The following TYW1 variants were observed in gnomAD, a reference collection of about 807,000 sequenced individuals.
The protein encoded by TYW1 is tRNA-yW synthesizing protein 1 homolog.
TYW1 carries 46 observed loss-of-function variants against 96.2 expected under a neutral mutation model. That is an observed-to-expected ratio of 0.48 (90% confidence interval 0.38 to 0.61). The LOEUF (loss-of-function observed/expected upper bound fraction) is 0.61, where lower values mean the gene tolerates loss of function less well. Ranked by LOEUF, TYW1 falls within the 20% of genes least tolerant of loss-of-function variation. The pLI, the probability that TYW1 is intolerant of heterozygous loss-of-function variation, is 0.00. For missense variants in TYW1, 684 were observed against 909.6 expected, an observed-to-expected ratio of 0.75 and a Z score of 3.19; for synonymous variants, 274 against 323.0, an observed-to-expected ratio of 0.85 and a Z score of 1.63.
At chr7:67,118,754 C>T (rs1482106070) in intron 13 of TYW1, among the ~76,000 whole-genome samples, 1 of 151,614 alleles carries the variant, frequency 6.6e-6, no homozygotes, top group Non-Finnish European at 1.5e-5. Context: ...ACAAAAATTA[C>T]CTGTGGTCCC....
At chr7:67,033,358 T>G (rs1212065224) in intron 7 of TYW1, among the ~76,000 whole-genome samples, 1 of 152,158 alleles carries the variant, frequency 6.6e-6, no homozygotes, top group Non-Finnish European at 1.5e-5. Flanking sequence ...CCTGAGTTCT[T>G]TATTTGGAGG....
At chr7:67,116,358 A>AAAAG (rs1797594082) in intron 12 of TYW1, among the ~76,000 whole-genome samples, 3 of 150,108 alleles carry the variant, frequency 2.0e-5, no homozygotes, top group Non-Finnish European at 4.5e-5. Flanking sequence ...GAAAAGAAAA[A>AAAAG]AAGTATAGTC....
At chr7:67,083,356 A>G (rs2115772944) in intron 10 of TYW1, 74 bp from the exon 11 acceptor site, 1 of 1,451,154 alleles carries the variant, frequency 6.9e-7, no homozygotes, top group East Asian at 2.3e-5. Context: ...TTAAAAATGG[A>G]TGACTTCATC....
At chr7:67,021,488 C>T (rs934216133) in intron 6 of TYW1, among the ~76,000 whole-genome samples, 12 of 152,290 alleles carry the variant, frequency 7.9e-5, no homozygotes, top group African/African-American at 2.9e-4. Context: ...TTTACTTACC[C>T]TTCACATTTG....
chr7:67,134,022 G>A lies in TYW1; in HGVS notation c.1698+16404G>A, dbSNP rs1216826595. 2.0e-5 allele frequency among the ~76,000 whole-genome samples: 3 copies of A among 151,812 alleles called. No homozygotes were observed. The East Asian group carries it at 5.8e-4, about 29-fold the overall frequency. On this transcript the variant is annotated intron_variant, in intron 13 of 15. Coordinates refer to ENST00000359626, the MANE Select transcript of TYW1 (RefSeq NM_018264.4). ...TCTCTGCTTGTTTTTTTCCATAGCA[G>A]CATCAACTCCAGACTTGCATGTTAT... is the stretch of plus-strand genomic sequence containing the variant.
chr7:67,127,331 T>G (rs1797940415), intron 13 of TYW1, among the ~76,000 whole-genome samples: 1 of 151,918 alleles, frequency 6.6e-6, no homozygotes, highest in Non-Finnish European at 1.5e-5. Flanking sequence ...GCTAATTTTT[T>G]TAATCTTTAG....
chr7:67,082,079 T>A (rs1353807171), intron 10 of TYW1, among the ~76,000 whole-genome samples: 1 of 151,928 alleles, frequency 6.6e-6, no homozygotes, highest in Non-Finnish European at 1.5e-5. Context: ...CTGAGTTTCC[T>A]TAAGACCATT....
chr7:67,060,276 A>C (rs907619075), intron 9 of TYW1, among the ~76,000 whole-genome samples: 4 of 152,108 alleles, frequency 2.6e-5, no homozygotes, highest in African/African-American at 9.7e-5. Context: ...GGGTTTTGCC[A>C]CGTTGGCCAG....
chr7:67,163,657 T>C (rs1799233305), intron 13 of TYW1, among the ~76,000 whole-genome samples: 1 of 150,560 alleles, frequency 6.6e-6, no homozygotes. Context: ...TTCTGATCTT[T>C]AAGCAGGAGA....
At chr7:67,017,554 A>G (rs1368776684) in intron 5 of TYW1, among the ~76,000 whole-genome samples, 1 of 152,118 alleles carries the variant, frequency 6.6e-6, no homozygotes, top group African/African-American at 2.4e-5. Flanking sequence ...CATGATATAG[A>G]ATGGTAGGTT....
At chr7:67,002,381 C>T (rs1045666194) in intron 3 of TYW1, among the ~76,000 whole-genome samples, 1 of 151,320 alleles carries the variant, frequency 6.6e-6, no homozygotes, top group Non-Finnish European at 1.5e-5. Context: ...TGTGCCCAGC[C>T]CATCTCAATA....
At chr7:67,196,643 A>G (rs1192105935) in intron 15 of TYW1, among the ~76,000 whole-genome samples, 1 of 137,578 alleles carries the variant, frequency 7.3e-6, no homozygotes, top group African/African-American at 3.0e-5. Context: ...AACTGGAATC[A>G]CAGCCTTCTC....
chr7:67,018,267 A>C (rs1039050952), intron 6 of TYW1, 124 bp downstream of exon 6: 1 of 1,285,252 alleles, frequency 7.8e-7, no homozygotes, highest in African/African-American at 1.5e-5. Context: ...GGCTGAGTGC[A>C]GTGGCTCGCA....
intron 13 of TYW1, among the ~76,000 whole-genome samples, chr7:67,124,585 C>T (rs1034251923): frequency 2.0e-5 from 3 of 152,022 alleles, no homozygotes; most frequent in Admixed American, 6.6e-5. Flanking sequence ...CTTTGATCAT[C>T]GTAGATTAAT....
intron 12 of TYW1, among the ~76,000 whole-genome samples, chr7:67,116,620 T>G (rs1797602838): frequency 6.6e-6 from 1 of 151,852 alleles, no homozygotes; most frequent in African/African-American, 2.4e-5. Context: ...GCCTGGGAGG[T>G]TGAGACTGCA....
At chr7:66,999,993 T>G (rs1036295781) in intron 3 of TYW1, among the ~76,000 whole-genome samples, 18 of 152,048 alleles carry the variant, frequency 1.2e-4, no homozygotes, top group Non-Finnish European at 2.2e-4. Flanking sequence ...TGGAGTGCAG[T>G]TGTGCCATCT....
chr7:67,174,276 T>C (rs1799597101), intron 13 of TYW1, among the ~76,000 whole-genome samples: 1 of 152,104 alleles, frequency 6.6e-6, no homozygotes, highest in African/African-American at 2.4e-5. Context: ...CAGGAAAACA[T>C]AAACCCAAAC....
At position 67,035,930 on chromosome 7, in the gene TYW1, G is replaced by A. The variant is rs185717127; in HGVS notation, c.984+10908G>A. On this transcript the variant is annotated intron_variant, in intron 7 of 15. Transcript: ENST00000359626. Reference sequence around the variant, plus strand: ...CTGATCTTATGATCCGCCCACCTTGGCCTCCCAAAGTGCTGGGATTACAGG... The same window carrying A: ...CTGATCTTATGATCCGCCCACCTTGACCTCCCAAAGTGCTGGGATTACAGG... 3.3e-5 allele frequency among the ~76,000 whole-genome samples: 5 copies of A among 151,168 alleles called. No individual in the cohort carries two copies. In the East Asian group the frequency reaches 9.7e-4, roughly 29 times the overall value.
At chr7:67,100,077 G>T (rs375065095) in intron 12 of TYW1, among the ~76,000 whole-genome samples, 13 of 152,112 alleles carry the variant, frequency 8.5e-5, no homozygotes, top group African/African-American at 3.1e-4. Flanking sequence ...AGAGGCTAGC[G>T]GAGAAGAGGA....
Sources: gnomAD v4.1 joint callset for allele counts (sites outside exome capture counted in the v4.1 genomes callset) on GRCh38, gnomAD v4.1.1 for gene constraint, MANE v1.5 for transcripts, NCBI Gene and HGNC (gene_info 2026-07-23, HGNC 2026-07-21) for gene names.